The following MSI2 variants were observed in gnomAD, a reference collection of about 807,000 sequenced individuals.
The protein encoded by MSI2 is RNA-binding protein Musashi homolog 2.
A neutral mutation model predicts 45.6 loss-of-function variants in MSI2; 17 were observed. That is an observed-to-expected ratio of 0.37 (90% confidence interval 0.26 to 0.56). The LOEUF (loss-of-function observed/expected upper bound fraction) is 0.56, where lower values mean the gene tolerates loss of function less well. Among genes scored for constraint, MSI2 ranks in the 20% least tolerant of loss-of-function variants. The pLI is 0.77. For synonymous variants in MSI2, 156 were observed against 158.2 expected (o/e 0.99, Z 0.11); for missense variants, 293 against 444.2 (o/e 0.66, Z 3.06).
intron 6 of MSI2, among the ~76,000 whole-genome samples, chr17:57,403,124 G>A (rs918671983): frequency 6.6e-6 from 1 of 152,066 alleles, no homozygotes. Context: ...TTTCTTTTTC[G>A]AGCCATAACC....
At chr17:57,443,395 A>C (rs572452425) in intron 6 of MSI2, among the ~76,000 whole-genome samples, 214 of 152,272 alleles carry the variant, frequency 1.4e-3, no homozygotes, top group African/African-American at 4.9e-3. Context: ...TGTGCCGGGC[A>C]CACGTGGCAC....
intron 8 of MSI2, among the ~76,000 whole-genome samples, chr17:57,609,510 C>T (rs1474332490): frequency 1.3e-5 from 2 of 152,254 alleles, no homozygotes; most frequent in African/African-American, 2.4e-5. Flanking sequence ...CTCTTCAGGC[C>T]AAACAGGCTT....
At chr17:57,481,453 C>T (rs1197941784) in intron 6 of MSI2, among the ~76,000 whole-genome samples, 1 of 152,168 alleles carries the variant, frequency 6.6e-6, no homozygotes, top group Non-Finnish European at 1.5e-5. Flanking sequence ...TTGAAAGAGC[C>T]TTTAAAATAC....
chr17:57,304,858 C>T (rs983433722), intron 5 of MSI2, among the ~76,000 whole-genome samples: 1 of 152,134 alleles, frequency 6.6e-6, no homozygotes, highest in Non-Finnish European at 1.5e-5. Context: ...GAAAAATCCC[C>T]TTAGAACTAC....
chr17:57,679,136 TG>T lies in MSI2; in HGVS notation c.*32-412del, dbSNP rs149597502. 4.8e-3 allele frequency among the ~76,000 whole-genome samples: 736 copies of T among 152,152 alleles called. 4 individuals carry two copies. The highest frequency in any genetic ancestry group is 0.017 in the African/African-American group (706 of 41,498). On this transcript the variant is annotated intron_variant, in intron 13 of 13. Transcript: ENST00000284073. ...AAAGGCAAGTTTGTGGGGTTTTTTTTGTTTGTTTGTTTGTTTTTTTAACATT... is the reference window on the plus strand; with the variant it reads ...AAAGGCAAGTTTGTGGGGTTTTTTTTTTTGTTTGTTTGTTTTTTTAACATT...
chr17:57,324,159 AT>A (rs58819893), intron 5 of MSI2, among the ~76,000 whole-genome samples: 1 of 152,084 alleles, frequency 6.6e-6, no homozygotes, highest in East Asian at 1.9e-4. Flanking sequence ...AATTAAAACA[AT>A]TTTTTTCCCT....
At chr17:57,662,054 A>G (rs1170432843) in intron 11 of MSI2, among the ~76,000 whole-genome samples, 2 of 152,234 alleles carry the variant, frequency 1.3e-5, no homozygotes, top group African/African-American at 4.8e-5. Context: ...CCTAGTCCTC[A>G]TTCTTCATAT....
intron 6 of MSI2, among the ~76,000 whole-genome samples, chr17:57,409,173 G>A (rs1370016291): frequency 1.3e-5 from 2 of 152,196 alleles, no homozygotes; most frequent in Non-Finnish European, 2.9e-5. Flanking sequence ...AGAGGCAAAA[G>A]GGTTGAGTTT....
At chr17:57,355,095 C>T (rs537601092) in intron 5 of MSI2, among the ~76,000 whole-genome samples, 1 of 152,258 alleles carries the variant, frequency 6.6e-6, no homozygotes, top group Non-Finnish European at 1.5e-5. Flanking sequence ...AGGAGTTTTC[C>T]TGGTTTTGTC....
intron 5 of MSI2, among the ~76,000 whole-genome samples, chr17:57,337,978 G>GT (rs573646906): frequency 8.5e-4 from 130 of 152,262 alleles, no homozygotes; most frequent in African/African-American, 3.0e-3. Context: ...CTAGATGGTT[G>GT]TAAAAACATG....
chr17:57,461,279 G>A (rs1403089348), intron 6 of MSI2, among the ~76,000 whole-genome samples: 3 of 152,136 alleles, frequency 2.0e-5, no homozygotes, highest in Non-Finnish European at 2.9e-5. Context: ...GGGCCACACG[G>A]TCATCCTAGG....
intron 7 of MSI2, among the ~76,000 whole-genome samples, chr17:57,536,678 A>G (rs1345953591): frequency 6.6e-6 from 1 of 152,208 alleles, no homozygotes; most frequent in Non-Finnish European, 1.5e-5. Context: ...GTTGGTCACT[A>G]TTGGTATTGA....
intron 10 of MSI2, among the ~76,000 whole-genome samples, chr17:57,643,258 C>T (rs565868211): frequency 6.6e-6 from 1 of 152,342 alleles, no homozygotes; most frequent in Admixed American, 6.5e-5. Context: ...AAAATGCCCC[C>T]TCTCAGAGAG....
At chr17:57,484,302 C>G (rs1439935761) in intron 6 of MSI2, among the ~76,000 whole-genome samples, 1 of 152,210 alleles carries the variant, frequency 6.6e-6, no homozygotes, top group East Asian at 1.9e-4. Context: ...GTGAGTGGGT[C>G]CATGTCTGTA....
At chr17:57,368,030 G>A (rs1176778567) in intron 5 of MSI2, among the ~76,000 whole-genome samples, 4 of 152,224 alleles carry the variant, frequency 2.6e-5, no homozygotes, top group Non-Finnish European at 5.9e-5. Flanking sequence ...CTAAATGAAT[G>A]AACTAGAACA....
chr17:57,696,322 C>G, the MSI2 span, among the ~76,000 whole-genome samples: 1 of 152,210 alleles, frequency 6.6e-6, no homozygotes, highest in Admixed American at 6.5e-5. Context: ...GAGGAACCCT[C>G]TCCAGCCAAG....
Position 57,407,463 on chromosome 17 carries a change from T to C in MSI2, c.405+5992T>C, listed in dbSNP as rs1425203812. ...GGACTGTGATCCTCAGGTAGTGTTT[T>C]CTTGCTTTAAATGTGTGTCGTAGAT... On this transcript the variant is annotated intron_variant, in intron 6 of 13. Coordinates refer to ENST00000284073, the MANE Select transcript of MSI2 (RefSeq NM_138962.4). This position sits in a 1 kb window ranked among gnomAD's most constrained non-coding sequence, Gnocchi z 4.1. Among the ~76,000 whole-genome samples, 3 of 152,210 alleles carry C rather than the reference T, an allele frequency of 2.0e-5. No individual in the cohort carries two copies. Among genetic ancestry groups the C allele is most frequent in the Non-Finnish European group, 2.9e-5 (2 of 68,040 alleles).
chr17:57,260,483 A>G (rs1022923107), intron 4 of MSI2, among the ~76,000 whole-genome samples: 4 of 152,204 alleles, frequency 2.6e-5, no homozygotes, highest in East Asian at 1.9e-4. Context: ...TCTGATTGCA[A>G]TTGTGTGCCG....
chr17:57,256,246 C>T (rs1401994332), upstream of MSI2, among the ~76,000 whole-genome samples: 1 of 152,016 alleles, frequency 6.6e-6, no homozygotes, highest in East Asian at 2.0e-4. Context: ...GGTGCGCTCC[C>T]CCTCGCCCTG....
Sources: gnomAD v4.1 joint callset for allele counts (sites outside exome capture counted in the v4.1 genomes callset) on GRCh38, gnomAD v4.1.1 for gene constraint, Gnocchi (gnomAD v3.1) non-coding constraint, MANE v1.5 for transcripts, NCBI Gene and HGNC (gene_info 2026-07-23, HGNC 2026-07-21) for gene names.